The following PTPRM variants were observed in gnomAD, a reference collection of about 807,000 sequenced individuals.
The protein encoded by PTPRM is protein tyrosine phosphatase receptor type M.
A neutral mutation model predicts 186.7 loss-of-function variants in PTPRM; 47 were observed. The observed-to-expected ratio is 0.25, with a 90% confidence interval of 0.20 to 0.32. The LOEUF is 0.32. Among genes scored for constraint, PTPRM ranks in the 10% least tolerant of loss-of-function variants. The probability of loss-of-function intolerance (pLI) is 1.00; values close to 1 mark genes in which losing one functional copy is unlikely to be tolerated. For synonymous variants in PTPRM, 668 were observed against 674.9 expected (o/e 0.99, Z 0.16); for missense variants, 1,494 against 1,865.0 (o/e 0.80, Z 3.66).
At chr18:7,754,372 G>A (rs989401345) in intron 1 of PTPRM, among the ~76,000 whole-genome samples, 9 of 152,158 alleles carry the variant, frequency 5.9e-5, no homozygotes, top group African/African-American at 1.9e-4. Flanking sequence ...TCCTCTTCTA[G>A]GTACTTGAAT....
chr18:8,182,813 A>G (rs2093594051), intron 14 of PTPRM, among the ~76,000 whole-genome samples: 1 of 152,196 alleles, frequency 6.6e-6, no homozygotes, highest in Non-Finnish European at 1.5e-5. Context: ...AAAAAAGTAA[A>G]ATAATCTATC....
intron 20 of PTPRM, among the ~76,000 whole-genome samples, chr18:8,299,008 C>A (rs1314334108): frequency 6.6e-6 from 1 of 152,160 alleles, no homozygotes; most frequent in Non-Finnish European, 1.5e-5. Context: ...CCCAGCTACT[C>A]AGGAGGCGGA....
intron 14 of PTPRM, among the ~76,000 whole-genome samples, chr18:8,240,641 G>GAA (rs1568583655): frequency 1.4e-5 from 1 of 70,140 alleles, no homozygotes; most frequent in Non-Finnish European, 3.0e-5. Context: ...GAGAGAGAGA[G>GAA]AGAGAGAGAG....
At chr18:7,595,593 G>A (rs1183861263) in intron 1 of PTPRM, among the ~76,000 whole-genome samples, 2 of 152,188 alleles carry the variant, frequency 1.3e-5, no homozygotes, top group African/African-American at 4.8e-5. Flanking sequence ...GGCCCAGCAT[G>A]TCAAATGCAT....
At chr18:7,594,491 A>G (rs2037205427) in intron 1 of PTPRM, among the ~76,000 whole-genome samples, 1 of 151,932 alleles carries the variant, frequency 6.6e-6, no homozygotes, top group South Asian at 2.1e-4. Flanking sequence ...AAAACGAAAA[A>G]AAAAACCAAA....
intron 3 of PTPRM, among the ~76,000 whole-genome samples, chr18:7,902,050 T>C (rs1157566141): frequency 6.6e-6 from 1 of 152,256 alleles, no homozygotes. Flanking sequence ...TAATTTTGTA[T>C]GTATGTATGG....
chr18:8,109,340 A>G (rs1238720454), intron 11 of PTPRM, among the ~76,000 whole-genome samples: 1 of 152,216 alleles, frequency 6.6e-6, no homozygotes, highest in African/African-American at 2.4e-5. Context: ...AAATTATTAA[A>G]GAGCAAATAG....
At chr18:8,107,077 C>T (rs1471401924) in intron 11 of PTPRM, among the ~76,000 whole-genome samples, 1 of 152,148 alleles carries the variant, frequency 6.6e-6, no homozygotes, top group African/African-American at 2.4e-5. Context: ...TTATTCAAAT[C>T]ATTAGGACTA....
At chr18:8,360,936 C>T (rs1391170123) in intron 23 of PTPRM, 3 of 152,274 alleles carry the variant, frequency 2.0e-5, no homozygotes, top group East Asian at 1.9e-4. Flanking sequence ...CAACAGTGTA[C>T]GTGTAGGAGC....
intron 5 of PTPRM, among the ~76,000 whole-genome samples, chr18:7,932,865 GT>G (rs1471556755): frequency 1.3e-5 from 2 of 152,156 alleles, no homozygotes; most frequent in Non-Finnish European, 2.9e-5. Flanking sequence ...AAGTACAGTA[GT>G]CCCCTCTTAT....
intron 14 of PTPRM, among the ~76,000 whole-genome samples, chr18:8,206,268 A>ATTTTATTTTTTTTTTTTTTTTTTTTT (rs1238112461): frequency 1.3e-5 from 2 of 148,980 alleles, no homozygotes; most frequent in African/African-American, 5.2e-5. Flanking sequence ...ATTTTATTTT[A>ATTTTATTTTTTTTTTTTTTTTTTTTT]TTTTGAGACG....
chr18:7,750,280 AAAAG>A (rs553114205), intron 1 of PTPRM, among the ~76,000 whole-genome samples: 7 of 152,226 alleles, frequency 4.6e-5, no homozygotes, highest in Admixed American at 2.0e-4. Flanking sequence ...TGTTTTAAAA[AAAAG>A]AACACTCAAG....
intron 3 of PTPRM, among the ~76,000 whole-genome samples, chr18:7,899,969 C>T (rs1222775045): frequency 6.6e-6 from 1 of 152,128 alleles, no homozygotes; most frequent in East Asian, 1.9e-4. Flanking sequence ...GGGACAGGGT[C>T]TTCTTCTCAT....
intron 5 of PTPRM, among the ~76,000 whole-genome samples, chr18:7,945,040 G>A (rs1382328294): frequency 4.6e-5 from 7 of 152,118 alleles, no homozygotes; most frequent in Non-Finnish European, 8.8e-5. Flanking sequence ...ATACATGTGT[G>A]GATTAGTGGA....
At chr18:7,934,623 C>A (rs184249733) in intron 5 of PTPRM, among the ~76,000 whole-genome samples, 255 of 152,266 alleles carry the variant, frequency 1.7e-3, no homozygotes, top group African/African-American at 6.0e-3. Flanking sequence ...AAAGTAATTG[C>A]AGCTACATTT....
chr18:7,988,042 A>G (rs1599888347), intron 7 of PTPRM, among the ~76,000 whole-genome samples: 1 of 150,240 alleles, frequency 6.7e-6, no homozygotes, highest in Admixed American at 6.6e-5. Flanking sequence ...AAAATTAACC[A>G]GGCTTAGTGG....
chr18:7,972,693 T>G (rs1007746447), intron 7 of PTPRM, among the ~76,000 whole-genome samples: 19 of 152,074 alleles, frequency 1.2e-4, no homozygotes, highest in African/African-American at 4.6e-4. Context: ...ATTTTACTTG[T>G]TAATGTTTAT....
At chr18:8,394,265 C>T (rs548808459) in intron 31 of PTPRM, among the ~76,000 whole-genome samples, 2 of 152,286 alleles carry the variant, frequency 1.3e-5, no homozygotes, top group African/African-American at 4.8e-5. Context: ...CTGGGAAAGG[C>T]TCTGCAGTCA....
chr18:8,380,314 G>A lies in PTPRM; in HGVS notation c.3805G>A (p.Ala1269Thr). 6.2e-7 allele frequency: 1 copy of A among 1,613,812 alleles called. No individual in the cohort carries two copies. The highest frequency in any genetic ancestry group is 8.5e-7 in the Non-Finnish European group (1 of 1,179,674). ...ALMDSYKQPS[A>T]FIVTQHPLPN... ...TTTGCAGAGCTATAAACAGCCTTCA[G>A]CTTTTATAGTCACCCAGCATCCTTT... The change falls in exon 29 of 33, where the codon GCT becomes ACT. Residue 1269 changes from alanine to threonine, a missense_variant. Ala to Thr is a moderately conservative substitution (Grantham distance 58). Around this residue, in one of 3 missense-constraint regions of PTPRM, gnomAD observed 1,107 missense variants for 1,350.2 expected, o/e 0.82. Coordinates refer to ENST00000580170, the MANE Select transcript of PTPRM (RefSeq NM_001105244.2).
Sources: gnomAD v4.1 joint callset for allele counts (sites outside exome capture counted in the v4.1 genomes callset) on GRCh38, gnomAD v4.1.1 for gene constraint, gnomAD v4.1.1 regional missense constraint, MANE v1.5 for transcripts, NCBI Gene and HGNC (gene_info 2026-07-23, HGNC 2026-07-21) for gene names.